PPM1E: variants seen among roughly 807,000 people sequenced by gnomAD.
PPM1E encodes the protein protein phosphatase, Mg2+/Mn2+ dependent 1E, also known as protein phosphatase 1E.
In PPM1E, 20 loss-of-function variants were observed where a neutral mutation model predicts 65.9. The observed-to-expected ratio is 0.30, with a 90% confidence interval of 0.21 to 0.44. The LOEUF is 0.44. PPM1E is among the 20% of genes least tolerant of loss of function. PPM1E has a pLI of 1.00. For missense variants in PPM1E, 713 were observed against 953.1 expected (o/e 0.75, Z 3.32); for synonymous variants, 352 against 374.9 (o/e 0.94, Z 0.70).
At chr17:58,898,218 C>T (rs1442307385) in intron 1 of PPM1E, among the ~76,000 whole-genome samples, 3 of 150,930 alleles carry the variant, frequency 2.0e-5, no homozygotes, top group Non-Finnish European at 4.4e-5. Context: ...TGCCACTGCA[C>T]TCCAGCCTGG....
In PPM1E at chr17:58,969,598, T is replaced by C. The variant is rs2030466636; in HGVS notation, c.843T>C (p.Ala281=). 6.2e-7 allele frequency: 1 copy of C among 1,614,002 alleles called. No homozygotes were observed. The change falls in exon 4 of 7, where the codon GCT becomes GCC. Residue 281 remains alanine, a synonymous_variant. Coordinates refer to ENST00000308249, the MANE Select transcript of PPM1E (RefSeq NM_014906.5). ...VFDGHGGVDA[A]IYASIHLHVN... is the part of the protein sequence containing the mutation. ...ATGGCCATGGGGGAGTAGATGCTGCTATTTATGCCTCCATTCACCTCCACG... is the reference window on the plus strand; with the variant it reads ...ATGGCCATGGGGGAGTAGATGCTGCCATTTATGCCTCCATTCACCTCCACG...
At chr17:58,828,739 C>T (rs528694536) in intron 1 of PPM1E, among the ~76,000 whole-genome samples, 3 of 152,320 alleles carry the variant, frequency 2.0e-5, no homozygotes, top group East Asian at 3.9e-4. Flanking sequence ...TCTGGGATTA[C>T]AGGCATGAGC....
At chr17:58,766,194 C>CTG in intron 1 of PPM1E, among the ~76,000 whole-genome samples, 1 of 98,910 alleles carries the variant, frequency 1.0e-5, no homozygotes, top group Non-Finnish European at 2.0e-5. Context: ...TTTGTAATTT[C>CTG]TGTTTTTTTT....
At chr17:58,809,996 C>T (rs564711521) in intron 1 of PPM1E, among the ~76,000 whole-genome samples, 3 of 152,192 alleles carry the variant, frequency 2.0e-5, no homozygotes, top group South Asian at 2.1e-4. Context: ...TATTTTACCA[C>T]GTAATGTACA....
chr17:58,964,376 T>C (rs1292390477), intron 2 of PPM1E, among the ~76,000 whole-genome samples: 3 of 152,178 alleles, frequency 2.0e-5, no homozygotes, highest in Non-Finnish European at 4.4e-5. Context: ...GGTTCAATGA[T>C]AGGAAATACA....
intron 3 of PPM1E, chr17:58,966,149 T>C (rs2030221277): frequency 2.0e-6 from 1 of 489,538 alleles, no homozygotes; most frequent in East Asian, 4.0e-5. Context: ...AGGTACTCAG[T>C]TCCCTTCCAT....
At chr17:58,778,927 C>CAT (rs59563297) in intron 1 of PPM1E, among the ~76,000 whole-genome samples, 9,225 of 103,206 alleles carry the variant, frequency 0.089, 412 homozygotes, top group Middle Eastern at 0.12. Context: ...ATGATACATA[C>CAT]ATATATATAT....
chr17:58,823,769 T>C (rs2050504193), intron 1 of PPM1E, among the ~76,000 whole-genome samples: 1 of 152,142 alleles, frequency 6.6e-6, no homozygotes. Flanking sequence ...CTTGCTCTGT[T>C]GCCCAGGCTG....
At chr17:58,877,799 C>T (rs1431453369) in intron 1 of PPM1E, among the ~76,000 whole-genome samples, 2 of 152,014 alleles carry the variant, frequency 1.3e-5, no homozygotes, top group African/African-American at 4.8e-5. Context: ...GTCTAAACTC[C>T]CCACTATCTT....
chr17:58,800,631 CT>C (rs1357673571), intron 1 of PPM1E, among the ~76,000 whole-genome samples: 1 of 152,092 alleles, frequency 6.6e-6, no homozygotes, highest in East Asian at 1.9e-4. Context: ...TCTCTTTCAT[CT>C]TATCTAAGTC....
intron 1 of PPM1E, among the ~76,000 whole-genome samples, chr17:58,952,531 A>G (rs921148280): frequency 6.6e-6 from 1 of 152,072 alleles, no homozygotes; most frequent in Non-Finnish European, 1.5e-5. Context: ...AGGCATGGGA[A>G]TGTTACTGCT....
chr17:58,770,836 GCTTT>G (rs1213985072), intron 1 of PPM1E, among the ~76,000 whole-genome samples: 1 of 151,092 alleles, frequency 6.6e-6, no homozygotes. Context: ...GTTTTAAGAA[GCTTT>G]CTATTTTACT....
In PPM1E at chr17:58,755,870, G is replaced by T; in HGVS notation, c.-128G>T. The T allele has an allele frequency of 1.3e-6, 2 of 1,495,078 alleles. No individual in the cohort carries two copies. Among genetic ancestry groups the T allele is most frequent in the Non-Finnish European group, 1.8e-6 (2 of 1,123,284 alleles). The allele number at this position is 1,495,078 out of a possible 1,614,324, so 92.6% of individuals were successfully genotyped here. ...GCGGGAGCCCTCTCCAGGCAACCTAGTGCTGATCGCTCGTGCCGGTGCGGC... is the reference window on the plus strand; with the variant it reads ...GCGGGAGCCCTCTCCAGGCAACCTATTGCTGATCGCTCGTGCCGGTGCGGC... On this transcript the variant is annotated 5_prime_UTR_variant, in exon 1 of 7. Transcript: ENST00000308249.
intron 2 of PPM1E, among the ~76,000 whole-genome samples, chr17:58,963,443 C>T (rs1332554790): frequency 4.0e-5 from 6 of 149,566 alleles, no homozygotes. Flanking sequence ...AATCCTAGCA[C>T]TTTGGGAGGC....
chr17:58,820,264 G>A (rs559376427), intron 1 of PPM1E, among the ~76,000 whole-genome samples: 3 of 152,034 alleles, frequency 2.0e-5, no homozygotes, highest in Non-Finnish European at 4.4e-5. Context: ...CAATAACAAT[G>A]ATAAACGGCA....
At chr17:58,969,800 G>C (rs2030479264) in intron 4 of PPM1E, 73 bp downstream of exon 4, 1 of 1,396,318 alleles carries the variant, frequency 7.2e-7, no homozygotes, top group Non-Finnish European at 9.9e-7. Context: ...TGGTTAAAGG[G>C]CTATTTAGAT....
chr17:58,815,394 T>C (rs1478998959), intron 1 of PPM1E, among the ~76,000 whole-genome samples: 1 of 152,238 alleles, frequency 6.6e-6, no homozygotes, highest in Non-Finnish European at 1.5e-5. Context: ...GATTTCAGCA[T>C]AATTAGCATA....
At chr17:58,874,844 A>G (rs2051111439) in intron 1 of PPM1E, among the ~76,000 whole-genome samples, 1 of 152,178 alleles carries the variant, frequency 6.6e-6, no homozygotes, top group Non-Finnish European at 1.5e-5. Flanking sequence ...AAGTTTCTAC[A>G]GTTTTTTAAA....
At chr17:58,948,680 G>T (rs930882096) in intron 1 of PPM1E, among the ~76,000 whole-genome samples, 1 of 152,010 alleles carries the variant, frequency 6.6e-6, no homozygotes, top group African/African-American at 2.4e-5. Context: ...ATACTGCTTT[G>T]GCTGAGTCCC....
Sources: gnomAD v4.1 joint callset for allele counts (sites outside exome capture counted in the v4.1 genomes callset) on GRCh38, gnomAD v4.1.1 for gene constraint, MANE v1.5 for transcripts, NCBI Gene and HGNC (gene_info 2026-07-23, HGNC 2026-07-21) for gene names.